The following RBFOX3 variants were observed in gnomAD, a reference collection of about 807,000 sequenced individuals.
The protein encoded by RBFOX3 is RNA binding fox-1 homolog 3.
In RBFOX3, 17 loss-of-function variants were observed where a neutral mutation model predicts 48.7. That is an observed-to-expected ratio of 0.35 (90% CI 0.24 to 0.52). The LOEUF (loss-of-function observed/expected upper bound fraction) is 0.52. RBFOX3 is among the 20% of genes least tolerant of loss of function. The pLI is 0.94. For synonymous variants in RBFOX3, 212 were observed against 209.5 expected, an observed-to-expected ratio of 1.01 and a Z score of -0.10; for missense variants, 382 against 497.5, an observed-to-expected ratio of 0.77 and a Z score of 2.21.
intron 3 of RBFOX3, among the ~76,000 whole-genome samples, chr17:79,238,958 C>T (rs940138558): frequency 6.6e-5 from 10 of 152,120 alleles, no homozygotes; most frequent in South Asian, 2.1e-4. Context: ...AGGAGCTCCC[C>T]GAGCCCAGCT....
chr17:79,620,947 T>G, the RBFOX3 span, among the ~76,000 whole-genome samples: 1 of 151,728 alleles, frequency 6.6e-6, no homozygotes, highest in Non-Finnish European at 1.5e-5. Flanking sequence ...CCTGGGGACA[T>G]CCAGACATCA....
chr17:79,444,560 C>T (rs953046730), intron 2 of RBFOX3, among the ~76,000 whole-genome samples: 5 of 152,158 alleles, frequency 3.3e-5, no homozygotes, highest in African/African-American at 1.2e-4. Context: ...CTCTCCACCA[C>T]TTCCTCTGGG....
At position 79,411,506 on chromosome 17, in the gene RBFOX3, T is replaced by C. The variant is rs551062398; in HGVS notation, c.-175+70948A>G. ...TCCTCCACCCTTCTCCCACCTCCCC[T>C]CCAGGTCTCCATCAGTTCCCTCCTT... On this transcript the variant is annotated intron_variant, in intron 2 of 14. Transcript: ENST00000693108. 4.6e-5 allele frequency among the ~76,000 whole-genome samples: 7 copies of C among 152,130 alleles called. No individual in the cohort carries two copies. The East Asian group carries it at 1.4e-3, about 29-fold the overall frequency.
chr17:79,193,145 C>T (rs2054854216), intron 4 of RBFOX3, among the ~76,000 whole-genome samples: 2 of 152,260 alleles, frequency 1.3e-5, no homozygotes, highest in East Asian at 1.9e-4. Context: ...GCAGGCATGC[C>T]GGCATGGCTG....
rs1428376139 is a variant in RBFOX3 at position 79,391,082 on chromosome 17, G to A, written c.-174-83258C>T. On this transcript the variant is annotated intron_variant, in intron 2 of 14. Coordinates refer to ENST00000693108, the MANE Select transcript of RBFOX3 (RefSeq NM_001350451.2). This position sits in a 1 kb window ranked among gnomAD's most constrained non-coding sequence, Gnocchi z 5.0. ...TGCCATGGGAGCCTTCGCACCTCGG[G>A]TCTGGTGGCCTGTAACCCCTGCCAG... 6.6e-6 allele frequency among the ~76,000 whole-genome samples: 1 copy of A among 152,160 alleles called. No homozygotes were observed. Among genetic ancestry groups the A allele is most frequent in the African/African-American group, 2.4e-5 (1 of 41,436 alleles).
intron 2 of RBFOX3, among the ~76,000 whole-genome samples, chr17:79,368,219 T>C (rs140530512): frequency 0.012 from 1,843 of 152,270 alleles, 31 homozygotes; most frequent in Non-Finnish European, 0.019. Context: ...GCCCACGTCA[T>C]TCTGCAGAAG....
At chr17:79,374,201 C>G (rs2058935562) in intron 2 of RBFOX3, among the ~76,000 whole-genome samples, 1 of 152,204 alleles carries the variant, frequency 6.6e-6, no homozygotes, top group Non-Finnish European at 1.5e-5. Context: ...CAGCTGCTTC[C>G]TCTACATGGA....
intron 2 of RBFOX3, among the ~76,000 whole-genome samples, chr17:79,348,663 C>T (rs557876911): frequency 6.9e-6 from 1 of 144,838 alleles, no homozygotes; most frequent in Non-Finnish European, 1.5e-5. Context: ...TCACTGCAAC[C>T]TCCGCCTCCT....
At position 79,392,408 on chromosome 17, in the gene RBFOX3, G is replaced by C. The variant is rs528104924; in HGVS notation, c.-174-84584C>G. 6.6e-6 allele frequency among the ~76,000 whole-genome samples: 1 copy of C among 152,162 alleles called. No individual in the cohort carries two copies. The highest frequency in any genetic ancestry group is 1.5e-5 in the Non-Finnish European group (1 of 68,040). On this transcript the variant is annotated intron_variant, in intron 2 of 14. Transcript: ENST00000693108. This position sits in a 1 kb window ranked among gnomAD's most constrained non-coding sequence, Gnocchi z 5.0. ...AAGATTCATAAGCTAACTCTCACAC[G>C]GTAGTGAGCGCAGGGCCCGGCCACT... is the stretch of plus-strand genomic sequence containing the variant.
chr17:79,276,275 C>T (rs963146643), intron 3 of RBFOX3, among the ~76,000 whole-genome samples: 8 of 152,188 alleles, frequency 5.3e-5, no homozygotes, highest in Admixed American at 1.3e-4. Context: ...ACATTCTAGA[C>T]CGGATTATGG....
At chr17:79,655,145 C>T in the RBFOX3 span, among the ~76,000 whole-genome samples, 111 of 152,296 alleles carry the variant, frequency 7.3e-4, no homozygotes, top group African/African-American at 2.5e-3. Context: ...CTGCTGAGTG[C>T]TATTCTGTGT....
chr17:79,546,669 A>ATTTT lies in RBFOX3; in HGVS notation c.-319-64075_-319-64072dup, dbSNP rs34998319. Among the ~76,000 whole-genome samples, 372 of 121,776 alleles carry ATTTT rather than the reference A, an allele frequency of 3.1e-3. 7 individuals carry two copies. The highest frequency in any genetic ancestry group is 0.012 in the East Asian group (49 of 4,252). 79.9% of individuals were successfully genotyped at this position (121,776 alleles called of 152,430 possible). A position where few individuals can be genotyped will look rare whatever the true frequency, so the allele number is the denominator to read the frequency against. On this transcript the variant is annotated intron_variant, in intron 1 of 14. Transcript: ENST00000693108. ...TTCCCAGCAGTACCTTCCTCATTCT[A>ATTTT]TTTTTTTTTTTTTTTTTTGAGACAC...
intron 2 of RBFOX3, among the ~76,000 whole-genome samples, chr17:79,463,511 GCCACCTCCA>G (rs2075810048): frequency 1.6e-5 from 1 of 63,708 alleles, no homozygotes; most frequent in Non-Finnish European, 3.4e-5. Flanking sequence ...CATCGCCACT[GCCACCTCCA>G]CCATCGCCAC....
chr17:79,609,956 G>A (rs1190886695), intron 1 of RBFOX3, among the ~76,000 whole-genome samples: 1 of 151,958 alleles, frequency 6.6e-6, no homozygotes, highest in Non-Finnish European at 1.5e-5. Context: ...TTGGGCCAGG[G>A]GCGTGCCCGG....
At chr17:79,312,224 A>T (rs1188552101) in intron 2 of RBFOX3, among the ~76,000 whole-genome samples, 1 of 151,852 alleles carries the variant, frequency 6.6e-6, no homozygotes, top group African/African-American at 2.4e-5. Context: ...CAGGAGACAA[A>T]GAAGAGGGCT....
intron 4 of RBFOX3, among the ~76,000 whole-genome samples, chr17:79,126,200 G>C (rs1374909860): frequency 6.6e-6 from 1 of 152,236 alleles, no homozygotes; most frequent in East Asian, 1.9e-4. Flanking sequence ...ACAGACGTGT[G>C]AAAGTCTGGT....
At position 79,242,946 on chromosome 17, in the gene RBFOX3, G is replaced by T. The variant is rs542242674; in HGVS notation, c.-73-7141C>A. Among the ~76,000 whole-genome samples, 1 of 152,256 alleles carries T rather than the reference G, an allele frequency of 6.6e-6. No homozygotes were observed. Among genetic ancestry groups the T allele is most frequent in the South Asian group, 2.1e-4 (1 of 4,816 alleles). On this transcript the variant is annotated intron_variant, in intron 3 of 14. Coordinates refer to ENST00000693108, the MANE Select transcript of RBFOX3 (RefSeq NM_001350451.2). The surrounding 1 kb of genome is among the most constrained non-coding windows in gnomAD (Gnocchi z 5.8). ...TCCAGTGGGGCCTTACTCCTCCTCT[G>T]CCTGCGTGGACACTGCTGTGGGCCC...
At chr17:79,300,200 G>A (rs995689230) in intron 3 of RBFOX3, among the ~76,000 whole-genome samples, 38 of 152,292 alleles carry the variant, frequency 2.5e-4, no homozygotes, top group African/African-American at 8.7e-4. Context: ...CACTGTGCCC[G>A]ACTCCTGCCA....
At chr17:79,600,161 G>C (rs2093671515) in intron 1 of RBFOX3, 2 of 152,226 alleles carry the variant, frequency 1.3e-5, no homozygotes, top group Non-Finnish European at 1.5e-5. Flanking sequence ...ATGTCCAAGA[G>C]GCAAGCACCA....
Sources: gnomAD v4.1 joint callset for allele counts (sites outside exome capture counted in the v4.1 genomes callset) on GRCh38, gnomAD v4.1.1 for gene constraint, Gnocchi (gnomAD v3.1) non-coding constraint, MANE v1.5 for transcripts, NCBI Gene and HGNC (gene_info 2026-07-23, HGNC 2026-07-21) for gene names.